The following PCSK6 variants were observed in gnomAD, a reference collection of about 807,000 sequenced individuals.
PCSK6 encodes proprotein convertase subtilisin/kexin type 6.
Under a neutral mutation model 123.3 loss-of-function variants are expected in PCSK6, and 85 were observed. That is an observed-to-expected ratio of 0.69 (90% CI 0.58 to 0.83). The LOEUF is 0.83. Ranked by LOEUF, PCSK6 falls within the 40% of genes least tolerant of loss-of-function variation. The pLI is 0.00. For synonymous variants in PCSK6, 508 were observed against 516.0 expected, an observed-to-expected ratio of 0.98 and a Z score of 0.21; for missense variants, 1,191 against 1,282.3, an observed-to-expected ratio of 0.93 and a Z score of 1.09.
In PCSK6 at chr15:101,325,515, C is replaced by T. The variant is rs142305130; in HGVS notation, c.2181-469G>A. Among the ~76,000 whole-genome samples the T allele has an allele frequency of 2.7e-3, 406 of 152,312 alleles. 5 individuals are homozygous for T. Among genetic ancestry groups the T allele is most frequent in the East Asian group, 0.023 (121 of 5,172 alleles). On this transcript the variant is annotated intron_variant, in intron 16 of 21. Coordinates refer to ENST00000611716, the MANE Select transcript of PCSK6 (RefSeq NM_002570.5). ...CGGCTTGACCTTGCACGGCCGCACC[C>T]GTGCCTGAGCCCTCATGGGTGTGCA...
chr15:101,400,168 G>A (rs1215454749), intron 6 of PCSK6, among the ~76,000 whole-genome samples: 1 of 152,124 alleles, frequency 6.6e-6, no homozygotes, highest in East Asian at 1.9e-4. Context: ...AGGATCACAG[G>A]TGCACACCAC....
chr15:101,448,818 G>C (rs573926767), intron 1 of PCSK6, among the ~76,000 whole-genome samples: 9 of 152,292 alleles, frequency 5.9e-5, no homozygotes, highest in African/African-American at 1.9e-4. Context: ...TTTGCGGCAG[G>C]TTCTTTCCCA....
intron 6 of PCSK6, among the ~76,000 whole-genome samples, chr15:101,401,062 C>T (rs1386165110): frequency 2.0e-5 from 3 of 152,192 alleles, no homozygotes; most frequent in Non-Finnish European, 1.5e-5. Context: ...GCATGTTGAC[C>T]TTAACACTTA....
chr15:101,317,967 G>C (rs2040030122), intron 19 of PCSK6, among the ~76,000 whole-genome samples: 1 of 152,178 alleles, frequency 6.6e-6, no homozygotes, highest in African/African-American at 2.4e-5. Flanking sequence ...CTAAGTGCTG[G>C]GGTTATAGGC....
intron 1 of PCSK6, among the ~76,000 whole-genome samples, chr15:101,466,159 G>T (rs966016826): frequency 6.6e-6 from 1 of 152,044 alleles, no homozygotes; most frequent in Non-Finnish European, 1.5e-5. Context: ...TCTGATAAAG[G>T]ACTCGTATCT....
At chr15:101,323,748 G>A (rs1045060381) in intron 17 of PCSK6, among the ~76,000 whole-genome samples, 1 of 149,898 alleles carries the variant, frequency 6.7e-6, no homozygotes, top group African/African-American at 2.5e-5. Flanking sequence ...AAAAAAAAAG[G>A]GGGTGTCTTG....
At chr15:101,343,716 C>T (rs1273978458) in intron 13 of PCSK6, among the ~76,000 whole-genome samples, 1 of 152,084 alleles carries the variant, frequency 6.6e-6, no homozygotes, top group Non-Finnish European at 1.5e-5. Flanking sequence ...TATATGCTAC[C>T]AATCCTTGGA....
At position 101,359,500 on chromosome 15, in the gene PCSK6, G is replaced by A. The variant is rs182087821; in HGVS notation, c.1858+6696C>T. Among the ~76,000 whole-genome samples the A allele has an allele frequency of 3.3e-5, 5 of 152,330 alleles. No individual in the cohort carries two copies. In the East Asian group the frequency reaches 5.8e-4, roughly 18 times the overall value. ...GGGTTCCAACTGGACTAATTAATCC[G>A]CCAACACCTATTGGGCACCTATCAT... On this transcript the variant is annotated intron_variant, in intron 13 of 21. Coordinates refer to ENST00000611716, the MANE Select transcript of PCSK6 (RefSeq NM_002570.5).
At chr15:101,372,190 G>C (rs975759975) in intron 11 of PCSK6, among the ~76,000 whole-genome samples, 4 of 152,080 alleles carry the variant, frequency 2.6e-5, no homozygotes, top group African/African-American at 9.7e-5. Context: ...GCATTCTTCA[G>C]TGCAGACCCA....
chr15:101,400,373 G>A (rs2042552338), intron 6 of PCSK6, among the ~76,000 whole-genome samples: 4 of 152,188 alleles, frequency 2.6e-5, no homozygotes. Flanking sequence ...TCCTTCTGGG[G>A]TTCACCTTCT....
intron 17 of PCSK6, among the ~76,000 whole-genome samples, chr15:101,323,734 A>AG (rs1276853378): frequency 2.8e-4 from 43 of 151,268 alleles, no homozygotes; most frequent in African/African-American, 1.0e-3. Context: ...CCATCTCGAA[A>AG]AAAAAAAAAA....
chr15:101,373,411 G>C (rs565436460), intron 11 of PCSK6, among the ~76,000 whole-genome samples: 1 of 152,300 alleles, frequency 6.6e-6, no homozygotes, highest in Admixed American at 6.5e-5. Context: ...CAGGCCACCA[G>C]GACTCCTCAT....
Position 101,316,655 on chromosome 15 carries a change from G to C in PCSK6, c.2569+1664C>G, listed in dbSNP as rs373153204. ...AACCCATCCAGATGCTGAGCACTGT[G>C]GCCTTGAGGGCTGCCCCAGGAGGGA... On this transcript the variant is annotated intron_variant, in intron 19 of 21. Coordinates refer to ENST00000611716, the MANE Select transcript of PCSK6 (RefSeq NM_002570.5). 1.2e-3 allele frequency among the ~76,000 whole-genome samples: 180 copies of C among 152,326 alleles called. 2 individuals carry two copies. Among genetic ancestry groups the C allele is most frequent in the African/African-American group, 4.0e-3 (166 of 41,570 alleles).
At chr15:101,323,256 T>C (rs1490851179) in intron 17 of PCSK6, among the ~76,000 whole-genome samples, 1 of 152,174 alleles carries the variant, frequency 6.6e-6, no homozygotes, top group African/African-American at 2.4e-5. Context: ...GGTGGCATCA[T>C]ACGCCATAAA....
At chr15:101,477,244 C>CGT (rs536606180) in intron 1 of PCSK6, among the ~76,000 whole-genome samples, 24 of 151,446 alleles carry the variant, frequency 1.6e-4, no homozygotes, top group Admixed American at 2.6e-4. Flanking sequence ...TATGTGTGTG[C>CGT]GTGTGTGTGT....
intron 15 of PCSK6, among the ~76,000 whole-genome samples, chr15:101,330,926 T>C (rs553645807): frequency 7.9e-5 from 12 of 152,222 alleles, no homozygotes; most frequent in Non-Finnish European, 1.6e-4. Flanking sequence ...AATTTTCCAT[T>C]TGTTATTTGT....
chr15:101,376,492 C>T (rs368824785), intron 11 of PCSK6, among the ~76,000 whole-genome samples: 7 of 152,180 alleles, frequency 4.6e-5, no homozygotes, highest in Non-Finnish European at 7.3e-5. Context: ...ACATAAAGCT[C>T]GGTCTATATG....
intron 1 of PCSK6, among the ~76,000 whole-genome samples, chr15:101,487,122 G>T (rs1288943139): frequency 6.6e-6 from 1 of 152,226 alleles, no homozygotes; most frequent in East Asian, 1.9e-4. Flanking sequence ...AATGCTCCAG[G>T]CCTTTTCCAC....
chr15:101,382,041 G>A, intron 11 of PCSK6, 51 bp downstream of exon 11: 1 of 1,280,616 alleles, frequency 7.8e-7, no homozygotes, highest in African/African-American at 1.5e-5. Context: ...AACAGAGTCA[G>A]CTCCAAACCC....
Sources: gnomAD v4.1 joint callset for allele counts (sites outside exome capture counted in the v4.1 genomes callset) on GRCh38, gnomAD v4.1.1 for gene constraint, MANE v1.5 for transcripts, NCBI Gene and HGNC (gene_info 2026-07-23, HGNC 2026-07-21) for gene names.